The following SLC16A12 variants were observed in gnomAD, a reference collection of about 807,000 sequenced individuals.
SLC16A12 encodes solute carrier family 16 member 12, also known as monocarboxylate transporter 12.
In SLC16A12, 17 loss-of-function variants were observed where a neutral mutation model predicts 42.4. That is an observed-to-expected ratio of 0.40 (90% confidence interval 0.27 to 0.60). SLC16A12 has a LOEUF of 0.60. Among genes scored for constraint, SLC16A12 ranks in the 20% least tolerant of loss-of-function variants. SLC16A12 has a pLI of 0.42. For synonymous variants in SLC16A12, 224 were observed against 229.4 expected (o/e 0.98, Z 0.21); for missense variants, 544 against 623.0 (o/e 0.87, Z 1.35).
At chr10:89,480,267 A>G (rs60548804) in intron 2 of SLC16A12, among the ~76,000 whole-genome samples, 2,044 of 152,276 alleles carry the variant, frequency 0.013, 49 homozygotes, top group African/African-American at 0.046. Context: ...GGTCAGACAT[A>G]TCTGGCTTGG....
chr10:89,550,304 A>ACTT (rs1185716452), intron 2 of SLC16A12, among the ~76,000 whole-genome samples: 1 of 152,172 alleles, frequency 6.6e-6, no homozygotes, highest in Non-Finnish European at 1.5e-5. Context: ...GAGGATCAAG[A>ACTT]GGTCAGGTGT....
chr10:89,555,585 A>G (rs1031956648), intron 2 of SLC16A12, among the ~76,000 whole-genome samples: 1 of 139,522 alleles, frequency 7.2e-6, no homozygotes, highest in Admixed American at 7.1e-5. Context: ...ATATGTATAT[A>G]TGTATATATA....
intron 4 of SLC16A12, among the ~76,000 whole-genome samples, chr10:89,442,098 T>C (rs765221426): frequency 3.0e-4 from 45 of 152,330 alleles, no homozygotes; most frequent in Non-Finnish European, 5.1e-4. Flanking sequence ...TAACTCTTAG[T>C]AGCAAGATCA....
chr10:89,449,548 T>C (rs1405341608), intron 3 of SLC16A12, among the ~76,000 whole-genome samples: 1 of 152,234 alleles, frequency 6.6e-6, no homozygotes, highest in Non-Finnish European at 1.5e-5. Context: ...GAAAACTGGC[T>C]AGCCATATGT....
At chr10:89,525,659 T>C (rs11185740) in intron 2 of SLC16A12, among the ~76,000 whole-genome samples, 7,639 of 152,254 alleles carry the variant, frequency 0.05, 467 homozygotes, top group African/African-American at 0.15. Flanking sequence ...TCTAAGAGTG[T>C]TTTTGAATTT....
At chr10:89,456,163 T>C (rs926301436) in intron 3 of SLC16A12, 1 of 152,222 alleles carries the variant, frequency 6.6e-6, no homozygotes, top group Non-Finnish European at 1.5e-5. Flanking sequence ...CATGGGACCT[T>C]GGACATGTTC....
intron 2 of SLC16A12, among the ~76,000 whole-genome samples, chr10:89,481,247 G>A (rs1345828050): frequency 6.6e-6 from 1 of 152,102 alleles, no homozygotes; most frequent in Non-Finnish European, 1.5e-5. Context: ...TAATGAATGA[G>A]CTCTTCCTGT....
At chr10:89,519,066 G>A (rs1444425234) in intron 2 of SLC16A12, among the ~76,000 whole-genome samples, 1 of 152,092 alleles carries the variant, frequency 6.6e-6, no homozygotes, top group Non-Finnish European at 1.5e-5. Flanking sequence ...AGGAACAGTT[G>A]GGGAGAAGTA....
rs903636728 is a variant in SLC16A12 at position 89,463,032 on chromosome 10, C to G, written c.-46-408G>C. On this transcript the variant is annotated intron_variant, in intron 2 of 7. Coordinates refer to ENST00000371790, the MANE Select transcript of SLC16A12 (RefSeq NM_213606.4). Reference sequence around the variant, plus strand: ...CTGGAAGATGGATGTGGATATGAAACGACTTCAACCACACAGACCAGGACA... The same window carrying G: ...CTGGAAGATGGATGTGGATATGAAAGGACTTCAACCACACAGACCAGGACA... 1.8e-4 allele frequency: 32 copies of G among 173,420 alleles called. No homozygotes were observed. The South Asian group carries it at 4.0e-3, about 22-fold the overall frequency. The allele number at this position is 173,420 out of a possible 1,614,324, so 10.7% of individuals were successfully genotyped here.
chr10:89,452,273 A>G (rs1292717231), intron 3 of SLC16A12, among the ~76,000 whole-genome samples: 1 of 152,216 alleles, frequency 6.6e-6, no homozygotes, highest in African/African-American at 2.4e-5. Context: ...AGTTTTGTGC[A>G]GGGTTTCTAC....
intron 2 of SLC16A12, among the ~76,000 whole-genome samples, chr10:89,488,272 A>G (rs1842794040): frequency 1.3e-5 from 2 of 151,990 alleles, no homozygotes; most frequent in Admixed American, 1.3e-4. Flanking sequence ...TCCCTTAATC[A>G]TAAGGAAGGT....
intron 2 of SLC16A12, among the ~76,000 whole-genome samples, chr10:89,516,413 T>C (rs920036740): frequency 2.0e-5 from 3 of 152,180 alleles, no homozygotes; most frequent in African/African-American, 7.2e-5. Flanking sequence ...AACTTGAAAA[T>C]AGAAACTCTA....
chr10:89,526,902 G>A (rs1416483644), intron 2 of SLC16A12, among the ~76,000 whole-genome samples: 1 of 146,150 alleles, frequency 6.8e-6, no homozygotes, highest in East Asian at 2.0e-4. Flanking sequence ...TAGCAGAAGG[G>A]GCCACCAGAA....
intron 2 of SLC16A12, among the ~76,000 whole-genome samples, chr10:89,517,871 C>T (rs1055257704): frequency 1.3e-5 from 2 of 151,918 alleles, no homozygotes; most frequent in African/African-American, 4.8e-5. Context: ...TACAACTTTT[C>T]AAGAAAAAGG....
rs185872906 is a variant in SLC16A12 at position 89,516,627 on chromosome 10, A to G, written c.-47+17874T>C. 4.6e-5 allele frequency among the ~76,000 whole-genome samples: 7 copies of G among 152,286 alleles called. No individual in the cohort carries two copies. In the East Asian group the frequency reaches 1.3e-3, roughly 29 times the overall value. On this transcript the variant is annotated intron_variant, in intron 2 of 7. Transcript: ENST00000371790. Reference sequence around the variant, plus strand: ...TTTAGCTCAGTTCCTAGGCTTTGCAACCTTTGCTCCCTCCAAACTTAACTC... The same window carrying G: ...TTTAGCTCAGTTCCTAGGCTTTGCAGCCTTTGCTCCCTCCAAACTTAACTC...
intron 3 of SLC16A12, among the ~76,000 whole-genome samples, chr10:89,459,712 G>A (rs1352185837): frequency 2.0e-5 from 3 of 152,076 alleles, no homozygotes; most frequent in Non-Finnish European, 4.4e-5. Context: ...AGGCTGAGGC[G>A]GCAGATCACC....
intron 3 of SLC16A12, among the ~76,000 whole-genome samples, chr10:89,452,449 C>T (rs1215755775): frequency 6.6e-6 from 1 of 152,156 alleles, no homozygotes; most frequent in Non-Finnish European, 1.5e-5. Flanking sequence ...TTCACACTCT[C>T]ATTTTCTTTA....
upstream of SLC16A12, among the ~76,000 whole-genome samples, chr10:89,537,385 C>T (rs1481213584): frequency 6.6e-6 from 1 of 151,910 alleles, no homozygotes; most frequent in Non-Finnish European, 1.5e-5. Flanking sequence ...TCTCATTTTA[C>T]CCTCTGGCTA....
intron 2 of SLC16A12, among the ~76,000 whole-genome samples, chr10:89,492,978 AC>A (rs1273355145): frequency 6.6e-6 from 1 of 152,116 alleles, no homozygotes; most frequent in African/African-American, 2.4e-5. Flanking sequence ...CATAAGAGTC[AC>A]CAAATAAGAC....
Sources: gnomAD v4.1 joint callset for allele counts (sites outside exome capture counted in the v4.1 genomes callset) on GRCh38, gnomAD v4.1.1 for gene constraint, MANE v1.5 for transcripts, NCBI Gene and HGNC (gene_info 2026-07-23, HGNC 2026-07-21) for gene names.